IQSEC1: variants seen among roughly 807,000 people sequenced by gnomAD.
The protein encoded by IQSEC1 is IQ motif and SEC7 domain-containing protein 1.
In IQSEC1, 31 loss-of-function variants were observed where a neutral mutation model predicts 91.0. The ratio of observed to expected loss-of-function variants is 0.34; its 90% CI spans 0.26 to 0.46. The LOEUF is 0.46. Ranked by LOEUF, IQSEC1 falls within the 20% of genes least tolerant of loss-of-function variation. The pLI, the probability that IQSEC1 is intolerant of heterozygous loss-of-function variation, is 1.00. For missense variants in IQSEC1, 1,388 were observed against 1,575.6 expected, an observed-to-expected ratio of 0.88 and a Z score of 2.02; for synonymous variants, 699 against 662.6, an observed-to-expected ratio of 1.05 and a Z score of -0.84.
chr3:12,969,608 C>G lies in IQSEC1; in HGVS notation c.24-27743G>C, dbSNP rs549331014. The stretch of plus-strand genomic sequence containing the variant: ...CTCCCACCCCTGTCTGAAGTGCTCT[C>G]TAAAAATAGACTGCAATAAATGGAG... On this transcript the variant is annotated intron_variant, in intron 1 of 13. Coordinates refer to ENST00000613206, the MANE Select transcript of IQSEC1 (RefSeq NM_001134382.3). Among the ~76,000 whole-genome samples the G allele has an allele frequency of 4.6e-5, 7 of 152,312 alleles. No individual in the cohort carries two copies. The South Asian group carries it at 1.4e-3, about 32-fold the overall frequency.
upstream of IQSEC1, among the ~76,000 whole-genome samples, chr3:13,075,685 C>G (rs528317799): frequency 6.6e-6 from 1 of 152,336 alleles, no homozygotes; most frequent in Admixed American, 6.5e-5. Context: ...GATACAAATG[C>G]CAAGATTTTA....
rs1002809749 is a variant in IQSEC1 at position 13,001,128 on chromosome 3, T to C, written c.24-59263A>G. ...CACAATGCCCAGCTTTTTTTTTAAA[T>C]TTTTTTATTTTTAGTAGAGATGGGG... On this transcript the variant is annotated intron_variant, in intron 1 of 13. Transcript: ENST00000613206. Among the ~76,000 whole-genome samples the C allele has an allele frequency of 3.3e-5, 5 of 152,100 alleles. No homozygotes were observed. The South Asian group carries it at 1.0e-3, about 32-fold the overall frequency.
intron 1 of IQSEC1, among the ~76,000 whole-genome samples, chr3:13,026,836 C>G (rs1703631042): frequency 6.7e-6 from 1 of 150,060 alleles, no homozygotes; most frequent in Non-Finnish European, 1.5e-5. Context: ...CACAATCACC[C>G]TATGAAGTAG....
Position 12,900,750 on chromosome 3 carries a change from C to T in IQSEC1, c.*233G>A, listed in dbSNP as rs1353322268. 6 of 1,423,494 alleles carry T rather than the reference C, an allele frequency of 4.2e-6. No individual in the cohort carries two copies. The highest frequency in any genetic ancestry group is 5.2e-4 in the Middle Eastern group (2 of 3,876). 88.2% of individuals were successfully genotyped at this position (1,423,494 alleles called of 1,614,324 possible). A position where few individuals can be genotyped will look rare whatever the true frequency, so the allele number is the denominator to read the frequency against. ...CTGATGGTGTCTGAGGCCCACCCAT[C>T]CCTCAGACTGAGGTGAGCAGAGCCC... is the stretch of plus-strand genomic sequence containing the variant. On this transcript the variant is annotated 3_prime_UTR_variant, in exon 14 of 14. Coordinates refer to ENST00000613206, the MANE Select transcript of IQSEC1 (RefSeq NM_001134382.3).
intron 1 of IQSEC1, among the ~76,000 whole-genome samples, chr3:13,035,771 G>A (rs935980720): frequency 1.3e-5 from 2 of 152,210 alleles, no homozygotes; most frequent in African/African-American, 4.8e-5. Context: ...TTTTGTGACT[G>A]TCCTGGTGAA....
intron 1 of IQSEC1, among the ~76,000 whole-genome samples, chr3:13,268,420 T>G (rs1362131467): frequency 6.6e-6 from 1 of 152,196 alleles, no homozygotes; most frequent in Non-Finnish European, 1.5e-5. Context: ...GAAGAGACCC[T>G]TATTGCCAGG....
In IQSEC1 at chr3:13,098,374, G is replaced by A. The variant is rs139868496; in HGVS notation, c.303-50852C>T. ...ATTGGGAAGGTACCACAGAGGAGGCGCCATCTTAAGTGGGTTTTGAAGGAT... is the reference window on the plus strand; with the variant it reads ...ATTGGGAAGGTACCACAGAGGAGGCACCATCTTAAGTGGGTTTTGAAGGAT... On this transcript the variant is annotated intron_variant, in intron 2 of 15. Coordinates refer to the IQSEC1 transcript ENST00000648114. Among the ~76,000 whole-genome samples the A allele has an allele frequency of 3.1e-3, 466 of 152,302 alleles. 3 individuals carry two copies. Among genetic ancestry groups the A allele is most frequent in the African/African-American group, 0.011 (449 of 41,566 alleles).
At position 13,147,902 on chromosome 3, in the gene IQSEC1, G is replaced by A. The variant is rs138015116; in HGVS notation, c.302+16202C>T. The stretch of plus-strand genomic sequence containing the variant: ...CCCGCCTAGGCCTGCCAAAGTGCTG[G>A]GATTACAGGCGTGAGCCACCACGCC... On this transcript the variant is annotated intron_variant, in intron 2 of 15. Coordinates refer to the IQSEC1 transcript ENST00000648114. Among the ~76,000 whole-genome samples the A allele has an allele frequency of 9.6e-3, 1,457 of 152,336 alleles. 22 individuals carry two copies. Among genetic ancestry groups the A allele is most frequent in the African/African-American group, 0.034 (1,401 of 41,586 alleles).
At position 13,150,138 on chromosome 3, in the gene IQSEC1, TGAG is replaced by T. The variant is rs540623306; in HGVS notation, c.302+13963_302+13965del. 3.7e-4 allele frequency among the ~76,000 whole-genome samples: 56 copies of T among 152,234 alleles called. No homozygotes were observed. In the East Asian group the frequency reaches 9.7e-3, roughly 26 times the overall value. On this transcript the variant is annotated intron_variant, in intron 2 of 15. Coordinates refer to the IQSEC1 transcript ENST00000648114. ...ACACTTTAGAGACACGAGTGAAAAA[TGAG>T]GAACAAATGGACTATGCACTTTTTC...
chr3:13,059,583 T>A (rs1704994276), intron 1 of IQSEC1, among the ~76,000 whole-genome samples: 1 of 151,960 alleles, frequency 6.6e-6, no homozygotes, highest in Non-Finnish European at 1.5e-5. Flanking sequence ...AAATCCAGTC[T>A]CTACAAAAAA....
At position 13,016,544 on chromosome 3, in the gene IQSEC1, G is replaced by A. The variant is rs955409703; in HGVS notation, c.23+56448C>T. Among the ~76,000 whole-genome samples, 4 of 152,100 alleles carry A rather than the reference G, an allele frequency of 2.6e-5. No homozygotes were observed. In the East Asian group the frequency reaches 7.7e-4, roughly 29 times the overall value. ...CTCCAGGATCTGGCCCTGCCACCAC[G>A]GGGACTGCTCCTCCCGCCCTCTCGA... is the stretch of plus-strand genomic sequence containing the variant. On this transcript the variant is annotated intron_variant, in intron 1 of 13. Transcript: ENST00000613206.
intron 2 of IQSEC1, among the ~76,000 whole-genome samples, chr3:13,125,237 G>C (rs1706494275): frequency 6.6e-6 from 1 of 152,114 alleles, no homozygotes; most frequent in African/African-American, 2.4e-5. Context: ...CCTTTGCCTG[G>C]AATGTGCCTT....
chr3:12,912,073 G>A (rs766631720), intron 9 of IQSEC1, among the ~76,000 whole-genome samples: 19 of 152,186 alleles, frequency 1.2e-4, no homozygotes, highest in Non-Finnish European at 2.5e-4. Context: ...GCTCACTAGC[G>A]CTGACCTTGG....
At chr3:13,052,724 T>G (rs1229149700) in intron 1 of IQSEC1, among the ~76,000 whole-genome samples, 2 of 152,102 alleles carry the variant, frequency 1.3e-5, no homozygotes, top group African/African-American at 4.8e-5. Flanking sequence ...TCCCTTTCTA[T>G]GTTAGCCATT....
At chr3:13,035,753 G>C (rs1704012523) in intron 1 of IQSEC1, among the ~76,000 whole-genome samples, 1 of 152,180 alleles carries the variant, frequency 6.6e-6, no homozygotes, top group Non-Finnish European at 1.5e-5. Flanking sequence ...CATGGGCTTG[G>C]GCAGCACTTT....
intron 2 of IQSEC1, among the ~76,000 whole-genome samples, chr3:13,113,752 G>A (rs929584740): frequency 3.6e-4 from 55 of 152,330 alleles, no homozygotes; most frequent in African/African-American, 1.1e-3. Context: ...CTACTCAAAC[G>A]ACAGGAGTGT....
intron 1 of IQSEC1, among the ~76,000 whole-genome samples, chr3:13,188,522 C>T (rs114867058): frequency 0.014 from 2,108 of 152,354 alleles, 54 homozygotes; most frequent in African/African-American, 0.048. Context: ...CCTCATTTTA[C>T]AGATGGGGAA....
rs776974273 is a variant in IQSEC1 at position 12,908,955 on chromosome 3, C to A, written c.2578+318G>T. Among the ~76,000 whole-genome samples the A allele has an allele frequency of 1.3e-5, 2 of 152,062 alleles. No individual in the cohort carries two copies. The highest frequency in any genetic ancestry group is 2.4e-5 in the African/African-American group (1 of 41,372). On this transcript the variant is annotated intron_variant, in intron 11 of 13. Coordinates refer to ENST00000613206, the MANE Select transcript of IQSEC1 (RefSeq NM_001134382.3). The surrounding 1 kb of genome is among the most constrained non-coding windows in gnomAD (Gnocchi z 4.9). ...CTGTGTGACCCATCAGTCGGTTGAG[C>A]CTGATGCAGAAGATGACGAGGTGCA...
At chr3:13,281,055 G>A (rs1233558725) in intron 1 of IQSEC1, among the ~76,000 whole-genome samples, 2 of 152,248 alleles carry the variant, frequency 1.3e-5, no homozygotes, top group African/African-American at 4.8e-5. Flanking sequence ...TGACGCTGAA[G>A]GGAAAAAGGA....
Sources: allele counts gnomAD v4.1 joint callset (sites outside exome capture counted in the v4.1 genomes callset), GRCh38; gene constraint gnomAD v4.1.1; non-coding constraint Gnocchi (gnomAD v3.1); transcripts MANE v1.5; gene names NCBI Gene and HGNC (gene_info 2026-07-23, HGNC 2026-07-21).